Variants in MARCHF1 observed in about 807,000 individuals in gnomAD.
MARCHF1 encodes the protein E3 ubiquitin-protein ligase MARCHF1.
A neutral mutation model predicts 54.2 loss-of-function variants in MARCHF1; 40 were observed. The ratio of observed to expected loss-of-function variants is 0.74; its 90% CI spans 0.57 to 0.96. The LOEUF is 0.96. MARCHF1 is among the 40% of genes least tolerant of loss of function. The probability of loss-of-function intolerance (pLI) is 0.00; values close to 1 mark genes in which losing one functional copy is unlikely to be tolerated. For synonymous variants in MARCHF1, 236 were observed against 236.3 expected (o/e 1.00, Z 0.01); for missense variants, 586 against 656.5 (o/e 0.89, Z 1.17).
intron 1 of MARCHF1, among the ~76,000 whole-genome samples, chr4:164,283,425 T>C (rs1734072857): frequency 6.6e-6 from 1 of 150,948 alleles, no homozygotes; most frequent in Middle Eastern, 3.4e-3. Flanking sequence ...TCACAAAATA[T>C]ATGTGTTCCT....
At chr4:163,809,017 T>C (rs75784551) in intron 4 of MARCHF1, among the ~76,000 whole-genome samples, 10,246 of 152,154 alleles carry the variant, frequency 0.067, 514 homozygotes, top group African/African-American at 0.14. Context: ...TCTCAAACAG[T>C]AGGTCCTCTC....
At chr4:164,183,425 C>T (rs116733580) in intron 1 of MARCHF1, among the ~76,000 whole-genome samples, 549 of 152,110 alleles carry the variant, frequency 3.6e-3, no homozygotes, top group Middle Eastern at 6.8e-3. Context: ...ATCTTTTCCC[C>T]ATTTTTTCAT....
At chr4:164,311,726 T>C (rs549063943) in intron 1 of MARCHF1, among the ~76,000 whole-genome samples, 2 of 152,362 alleles carry the variant, frequency 1.3e-5, no homozygotes, top group East Asian at 3.9e-4. Context: ...TAAATTATTC[T>C]ACTCAAAAGT....
intron 1 of MARCHF1, among the ~76,000 whole-genome samples, chr4:164,304,474 G>C (rs991977790): frequency 3.9e-5 from 6 of 152,094 alleles, no homozygotes; most frequent in Non-Finnish European, 8.8e-5. Flanking sequence ...AAACTATTTA[G>C]AGTCAGAATA....
At chr4:163,824,332 G>A (rs1221209833) in intron 4 of MARCHF1, among the ~76,000 whole-genome samples, 2 of 151,474 alleles carry the variant, frequency 1.3e-5, no homozygotes, top group Non-Finnish European at 2.9e-5. Context: ...CAGAAATAAT[G>A]CCGCATATCT....
At chr4:164,245,762 C>G (rs929045626) in intron 1 of MARCHF1, among the ~76,000 whole-genome samples, 2 of 141,524 alleles carry the variant, frequency 1.4e-5, no homozygotes, top group South Asian at 2.4e-4. Context: ...TCTCAGGATA[C>G]AAAATCAATG....
chr4:164,093,336 C>T (rs1217900573), intron 2 of MARCHF1, among the ~76,000 whole-genome samples: 1 of 152,088 alleles, frequency 6.6e-6, no homozygotes, highest in African/African-American at 2.4e-5. Context: ...CAGTAAGATA[C>T]TCTTCATTTT....
At chr4:164,351,499 C>T (rs1186064424) in intron 1 of MARCHF1, among the ~76,000 whole-genome samples, 1 of 151,862 alleles carries the variant, frequency 6.6e-6, no homozygotes, top group Non-Finnish European at 1.5e-5. Context: ...CCAGCAGGGG[C>T]ACACTGACAC....
At chr4:163,669,468 T>G (rs1743653020) in intron 5 of MARCHF1, among the ~76,000 whole-genome samples, 1 of 152,156 alleles carries the variant, frequency 6.6e-6, no homozygotes, top group Non-Finnish European at 1.5e-5. Flanking sequence ...GAAGAAACAT[T>G]GAAAGCAGGG....
intron 1 of MARCHF1, among the ~76,000 whole-genome samples, chr4:164,168,127 A>G (rs192404371): frequency 6.6e-6 from 1 of 152,200 alleles, no homozygotes; most frequent in East Asian, 1.9e-4. Flanking sequence ...CCATTTCTCC[A>G]AAGAAGACAT....
chr4:164,102,589 TG>T (rs1439860023), intron 2 of MARCHF1, among the ~76,000 whole-genome samples: 1 of 150,642 alleles, frequency 6.6e-6, no homozygotes, highest in Non-Finnish European at 1.5e-5. Context: ...CCACCAGGCC[TG>T]CCTTACAAGA....
At chr4:163,819,246 C>G (rs1229963472) in intron 4 of MARCHF1, among the ~76,000 whole-genome samples, 1 of 152,096 alleles carries the variant, frequency 6.6e-6, no homozygotes, top group Non-Finnish European at 1.5e-5. Context: ...GATGCATAAG[C>G]CTTTCACTTA....
chr4:164,206,692 T>C (rs1282316322), intron 1 of MARCHF1, among the ~76,000 whole-genome samples: 2 of 152,112 alleles, frequency 1.3e-5, no homozygotes, highest in Non-Finnish European at 2.9e-5. Context: ...TTCACCTTTG[T>C]TTCAAGTAAA....
At chr4:164,014,816 C>G (rs1050103858) in intron 2 of MARCHF1, among the ~76,000 whole-genome samples, 6 of 152,056 alleles carry the variant, frequency 3.9e-5, no homozygotes, top group African/African-American at 1.4e-4. Flanking sequence ...GGGATTGATA[C>G]AGCAAGTTAA....
chr4:163,985,396 G>T (rs1024801628), intron 3 of MARCHF1, among the ~76,000 whole-genome samples: 2 of 151,850 alleles, frequency 1.3e-5, no homozygotes, highest in Admixed American at 6.6e-5. Flanking sequence ...TACTTCCAGG[G>T]TTATTAACCA....
chr4:163,883,524 C>A (rs560814674), intron 3 of MARCHF1, among the ~76,000 whole-genome samples: 38 of 151,940 alleles, frequency 2.5e-4, no homozygotes, highest in African/African-American at 8.5e-4. Context: ...AGATATTGTA[C>A]AATGTGTGAA....
At chr4:163,685,128 G>T (rs192161165) in intron 5 of MARCHF1, among the ~76,000 whole-genome samples, 3 of 152,112 alleles carry the variant, frequency 2.0e-5, no homozygotes, top group African/African-American at 7.2e-5. Flanking sequence ...AAAAATGATG[G>T]ACAGTAGGTC....
At chr4:164,040,041 C>G (rs964133310) in intron 2 of MARCHF1, among the ~76,000 whole-genome samples, 4 of 143,846 alleles carry the variant, frequency 2.8e-5, no homozygotes, top group Admixed American at 7.0e-5. Flanking sequence ...TATATACAAG[C>G]ATAATTTATA....
chr4:164,347,314 T>C (rs1163010501), intron 1 of MARCHF1, among the ~76,000 whole-genome samples: 1 of 152,196 alleles, frequency 6.6e-6, no homozygotes, highest in African/African-American at 2.4e-5. Flanking sequence ...TCCTTCCAAA[T>C]GCTGCTGAAC....
Sources: gnomAD v4.1 joint callset for allele counts (sites outside exome capture counted in the v4.1 genomes callset) on GRCh38, gnomAD v4.1.1 for gene constraint, MANE v1.5 for transcripts, NCBI Gene and HGNC (gene_info 2026-07-23, HGNC 2026-07-21) for gene names.